KCNN2: variants seen among roughly 807,000 people sequenced by gnomAD.
KCNN2 encodes the protein small conductance calcium-activated potassium channel protein 2.
KCNN2 carries 24 observed loss-of-function variants against 55.5 expected under a neutral mutation model. The ratio of observed to expected loss-of-function variants is 0.43; its 90% CI spans 0.31 to 0.61. KCNN2 has a LOEUF of 0.61. Ranked by LOEUF, KCNN2 falls within the 20% of genes least tolerant of loss-of-function variation. The pLI is 0.08. For missense variants in KCNN2, 754 were observed against 853.6 expected, an observed-to-expected ratio of 0.88 and a Z score of 1.45; for synonymous variants, 431 against 336.1, an observed-to-expected ratio of 1.28 and a Z score of -3.09.
At chr5:114,380,445 C>G (rs1283291951) in intron 2 of KCNN2, among the ~76,000 whole-genome samples, 1 of 152,174 alleles carries the variant, frequency 6.6e-6, no homozygotes, top group African/African-American at 2.4e-5. Flanking sequence ...TACAGAGCAT[C>G]AAAGAGAAAG....
chr5:114,082,686 G>A (rs1448437712), intron 1 of KCNN2, among the ~76,000 whole-genome samples: 2 of 152,180 alleles, frequency 1.3e-5, no homozygotes, highest in South Asian at 2.1e-4. Context: ...ACCATCAGCA[G>A]ATGAATGGGT....
chr5:114,474,060 A>G (rs763783743), intron 5 of KCNN2, among the ~76,000 whole-genome samples: 2 of 152,184 alleles, frequency 1.3e-5, no homozygotes, highest in Non-Finnish European at 2.9e-5. Context: ...CTGTCAGTGA[A>G]ATAACAAAAT....
At chr5:114,148,567 C>A (rs964881410) in intron 1 of KCNN2, among the ~76,000 whole-genome samples, 5 of 152,036 alleles carry the variant, frequency 3.3e-5, no homozygotes, top group African/African-American at 1.2e-4. Flanking sequence ...GATTCTAAGC[C>A]TCTGAAAGAA....
At chr5:114,231,478 G>A (rs1040163335) in intron 2 of KCNN2, among the ~76,000 whole-genome samples, 2 of 150,032 alleles carry the variant, frequency 1.3e-5, no homozygotes, top group Middle Eastern at 3.4e-3. Context: ...GTAAGGAAGG[G>A]ATCCAGTTTC....
At chr5:114,401,907 A>C (rs1046464801) in intron 2 of KCNN2, among the ~76,000 whole-genome samples, 1 of 152,238 alleles carries the variant, frequency 6.6e-6, no homozygotes, top group Non-Finnish European at 1.5e-5. Flanking sequence ...TTTACCCATC[A>C]GGCCATGGTG....
At chr5:114,303,317 A>G (rs1580707977) in intron 2 of KCNN2, among the ~76,000 whole-genome samples, 1 of 152,222 alleles carries the variant, frequency 6.6e-6, no homozygotes, top group East Asian at 1.9e-4. Flanking sequence ...TGAACATCAC[A>G]GTCAGTGTGT....
intron 1 of KCNN2, among the ~76,000 whole-genome samples, chr5:114,071,317 G>A (rs1477593316): frequency 1.3e-5 from 2 of 152,194 alleles, no homozygotes; most frequent in Non-Finnish European, 2.9e-5. Flanking sequence ...AGCTGCCTCA[G>A]AAGGGCCTTC....
At chr5:114,445,268 T>C (rs1160624728) in intron 3 of KCNN2, among the ~76,000 whole-genome samples, 1 of 152,288 alleles carries the variant, frequency 6.6e-6, no homozygotes, top group Non-Finnish European at 1.5e-5. Context: ...AATAAATCTT[T>C]AATATGATAA....
chr5:114,348,795 A>G (rs771047537), intron 2 of KCNN2, among the ~76,000 whole-genome samples: 1 of 152,164 alleles, frequency 6.6e-6, no homozygotes, highest in Non-Finnish European at 1.5e-5. Flanking sequence ...TCCTAATCTT[A>G]TAGATCAAAG....
intron 2 of KCNN2, among the ~76,000 whole-genome samples, chr5:114,369,802 A>G (rs1470104812): frequency 2.0e-5 from 3 of 152,118 alleles, no homozygotes; most frequent in Non-Finnish European, 2.9e-5. Context: ...GCAGCATCAC[A>G]AATGAATGAA....
intron 2 of KCNN2, among the ~76,000 whole-genome samples, chr5:114,346,800 T>C (rs1315562053): frequency 6.8e-6 from 1 of 147,228 alleles, no homozygotes; most frequent in Non-Finnish European, 1.5e-5. Flanking sequence ...CAGGCATACC[T>C]GGAAAAATAG....
intron 1 of KCNN2, among the ~76,000 whole-genome samples, chr5:114,061,214 G>A (rs949347531): frequency 6.6e-6 from 1 of 152,146 alleles, no homozygotes; most frequent in African/African-American, 2.4e-5. Flanking sequence ...CAGGGGGACA[G>A]ACAAATAAAC....
intron 1 of KCNN2, among the ~76,000 whole-genome samples, chr5:114,140,627 A>G (rs1752256928): frequency 6.6e-6 from 1 of 152,032 alleles, no homozygotes; most frequent in African/African-American, 2.4e-5. Context: ...GTAAATTGAT[A>G]TTGATTTATG....
At chr5:114,442,882 G>A (rs749979980) in intron 3 of KCNN2, among the ~76,000 whole-genome samples, 10 of 152,178 alleles carry the variant, frequency 6.6e-5, no homozygotes, top group Non-Finnish European at 1.5e-4. Flanking sequence ...CAGTAGTTCT[G>A]TTTAAGAACA....
At chr5:114,312,285 CCA>C (rs1756403417) in intron 2 of KCNN2, among the ~76,000 whole-genome samples, 1 of 150,514 alleles carries the variant, frequency 6.6e-6, no homozygotes, top group Non-Finnish European at 1.5e-5. Context: ...AATTTGGCAA[CCA>C]ATGCAATAAA....
At chr5:114,067,986 T>C (rs1391912573) in intron 1 of KCNN2, among the ~76,000 whole-genome samples, 2 of 152,224 alleles carry the variant, frequency 1.3e-5, no homozygotes, top group South Asian at 2.1e-4. Flanking sequence ...GAATCACCTG[T>C]TTATTTTACT....
At chr5:114,379,429 TATAACATATTATATATTTATA>T in intron 2 of KCNN2, among the ~76,000 whole-genome samples, 1 of 138,824 alleles carries the variant, frequency 7.2e-6, no homozygotes, top group African/African-American at 2.6e-5. Flanking sequence ...ATAAATATTA[TATAACATATTATATATTTATA>T]GAATATATTA....
intron 2 of KCNN2, among the ~76,000 whole-genome samples, chr5:114,342,867 G>A (rs1009579806): frequency 6.6e-6 from 1 of 152,120 alleles, no homozygotes; most frequent in African/African-American, 2.4e-5. Context: ...TAACTTTTAA[G>A]TTTAGGGGTA....
chr5:114,419,392 C>A (rs1221474261), intron 3 of KCNN2, among the ~76,000 whole-genome samples: 1 of 152,226 alleles, frequency 6.6e-6, no homozygotes, highest in Non-Finnish European at 1.5e-5. Flanking sequence ...AAAGTAGCAT[C>A]ATTTTGTCAA....
Sources: allele counts gnomAD v4.1 joint callset (sites outside exome capture counted in the v4.1 genomes callset), GRCh38; gene constraint gnomAD v4.1.1; transcripts MANE v1.5; gene names NCBI Gene and HGNC (gene_info 2026-07-23, HGNC 2026-07-21).